Variants in PTK2B observed in about 807,000 individuals in gnomAD.
The protein encoded by PTK2B is protein tyrosine kinase 2 beta, also known as protein-tyrosine kinase 2-beta.
A neutral mutation model predicts 142.9 loss-of-function variants in PTK2B; 71 were observed. That is an observed-to-expected ratio of 0.50 (90% CI 0.41 to 0.61). The LOEUF is 0.61. Among genes scored for constraint, PTK2B ranks in the 20% least tolerant of loss-of-function variants. The probability of loss-of-function intolerance (pLI) is 0.00; values close to 1 mark genes in which losing one functional copy is unlikely to be tolerated. For synonymous variants in PTK2B, 519 were observed against 503.4 expected (o/e 1.03, Z -0.42); for missense variants, 1,105 against 1,320.4 (o/e 0.84, Z 2.53).
chr8:27,377,315 G>A (rs1045109786), intron 1 of PTK2B, among the ~76,000 whole-genome samples: 1 of 152,158 alleles, frequency 6.6e-6, no homozygotes, highest in East Asian at 1.9e-4. Flanking sequence ...AGTTTACCAC[G>A]TACATGATGG....
At chr8:27,453,306 G>A in intron 28 of PTK2B, 146 bp downstream of exon 28, 1 of 1,050,446 alleles carries the variant, frequency 9.5e-7, no homozygotes, top group Non-Finnish European at 1.4e-6. Flanking sequence ...TTAGGGGGCG[G>A]GTGGCGGGGT....
intron 2 of PTK2B, among the ~76,000 whole-genome samples, chr8:27,415,571 TA>T (rs1039494360): frequency 1.3e-5 from 2 of 152,206 alleles, no homozygotes; most frequent in African/African-American, 4.8e-5. Flanking sequence ...TCTTGAGAGC[TA>T]AACTGTGATG....
At chr8:27,423,201 C>T (rs1809868832) in intron 5 of PTK2B, among the ~76,000 whole-genome samples, 1 of 152,084 alleles carries the variant, frequency 6.6e-6, no homozygotes, top group Admixed American at 6.6e-5. Context: ...AAAAATAGGC[C>T]TTATTCTTAG....
At chr8:27,418,147 A>G (rs1809516447) in intron 2 of PTK2B, among the ~76,000 whole-genome samples, 1 of 152,120 alleles carries the variant, frequency 6.6e-6, no homozygotes, top group South Asian at 2.1e-4. Flanking sequence ...CTGTTTCCCC[A>G]TCTATCTCAC....
At chr8:27,348,410 C>G (rs1425645836) in intron 1 of PTK2B, among the ~76,000 whole-genome samples, 2 of 152,202 alleles carry the variant, frequency 1.3e-5, no homozygotes, top group African/African-American at 4.8e-5. Context: ...ACCCCCTGTT[C>G]TTCCCACTCT....
chr8:27,421,577 T>C (rs1809756969), intron 4 of PTK2B, among the ~76,000 whole-genome samples: 1 of 152,234 alleles, frequency 6.6e-6, no homozygotes, highest in South Asian at 2.1e-4. Flanking sequence ...CTGGAGTTAA[T>C]TCACTTAGAA....
intron 2 of PTK2B, among the ~76,000 whole-genome samples, chr8:27,417,856 C>G (rs1169130253): frequency 6.6e-6 from 1 of 152,038 alleles, no homozygotes; most frequent in Non-Finnish European, 1.5e-5. Context: ...TCAAAAGCAC[C>G]AGTGGTGGGG....
intron 1 of PTK2B, among the ~76,000 whole-genome samples, chr8:27,388,803 C>T (rs1379147357): frequency 1.3e-5 from 2 of 152,232 alleles, no homozygotes; most frequent in Non-Finnish European, 2.9e-5. Context: ...CACTTATTCT[C>T]GCTGCCCCTG....
At position 27,399,352 on chromosome 8, in the gene PTK2B, A is replaced by G. The variant is rs17057109; in HGVS notation, c.204+1564A>G. 8.2e-3 allele frequency among the ~76,000 whole-genome samples: 1,256 copies of G among 152,332 alleles called. 16 individuals are homozygous for G. The highest frequency in any genetic ancestry group is 0.029 in the African/African-American group (1,220 of 41,556). On this transcript the variant is annotated intron_variant, in intron 2 of 30. Transcript: ENST00000346049. Reference sequence around the variant, plus strand: ...AGGCTTTCCAAGAGTGGGGAACAGCATGTCAAAAGGCAGGGAGGCCTCTGA... The same window carrying G: ...AGGCTTTCCAAGAGTGGGGAACAGCGTGTCAAAAGGCAGGGAGGCCTCTGA...
At chr8:27,319,785 A>G (rs747744223) in intron 3 of PTK2B, among the ~76,000 whole-genome samples, 27 of 152,208 alleles carry the variant, frequency 1.8e-4, no homozygotes, top group Non-Finnish European at 3.7e-4. Flanking sequence ...CATTTTATAC[A>G]TGAGAAAATT....
intron 1 of PTK2B, among the ~76,000 whole-genome samples, chr8:27,372,060 G>A (rs559431467): frequency 6.6e-6 from 1 of 152,220 alleles, no homozygotes; most frequent in Non-Finnish European, 1.5e-5. Flanking sequence ...TTAACCCCAT[G>A]CCTGATACAT....
At chr8:27,360,854 T>TGAC (rs1390819156) in intron 1 of PTK2B, among the ~76,000 whole-genome samples, 1 of 152,208 alleles carries the variant, frequency 6.6e-6, no homozygotes, top group Non-Finnish European at 1.5e-5. Context: ...TCCTTCCAGA[T>TGAC]GACAACCAGG....
At chr8:27,455,942 A>G (rs1373261339) in intron 30 of PTK2B, among the ~76,000 whole-genome samples, 1 of 152,126 alleles carries the variant, frequency 6.6e-6, no homozygotes, top group Non-Finnish European at 1.5e-5. Context: ...ACATCCCACC[A>G]CTGTCCCCAC....
intron 20 of PTK2B, 146 bp from the exon 21 acceptor site, chr8:27,440,091 G>A: frequency 1.3e-6 from 1 of 786,316 alleles, no homozygotes. Context: ...AGACCACCAT[G>A]GTAGGCAGGA....
chr8:27,366,078 T>A (rs1280510627), intron 1 of PTK2B, among the ~76,000 whole-genome samples: 1 of 152,206 alleles, frequency 6.6e-6, no homozygotes, highest in Non-Finnish European at 1.5e-5. Flanking sequence ...GAAGCTTCCT[T>A]GTCAAATAGG....
intron 1 of PTK2B, among the ~76,000 whole-genome samples, chr8:27,367,923 C>G (rs1379274159): frequency 6.6e-6 from 1 of 152,234 alleles, no homozygotes. Flanking sequence ...CTGGGAATCA[C>G]ATTTCAACAT....
intron 2 of PTK2B, among the ~76,000 whole-genome samples, chr8:27,400,352 C>CT (rs886970003): frequency 1.3e-5 from 2 of 151,680 alleles, no homozygotes; most frequent in African/African-American, 4.8e-5. Context: ...TCTTATTTGC[C>CT]TAAAAAACCC....
rs1483577345 is a variant in PTK2B at position 27,363,587 on chromosome 8, G to C, written c.-37-33961G>C. 6.6e-6 allele frequency among the ~76,000 whole-genome samples: 1 copy of C among 152,088 alleles called. No homozygotes were observed. The highest frequency in any genetic ancestry group is 2.4e-5 in the African/African-American group (1 of 41,424). ...GGAATGGACTCTGACTGCTCTTGCT[G>C]CTCTGAGCCTCTTGATTCTGATTTG... On this transcript the variant is annotated intron_variant, in intron 1 of 30. Transcript: ENST00000346049. The surrounding 1 kb of genome is among the most constrained non-coding windows in gnomAD (Gnocchi z 4.3).
intron 24 of PTK2B, 24 bp downstream of exon 24, chr8:27,445,943 C>T: frequency 6.2e-7 from 1 of 1,611,838 alleles, no homozygotes; most frequent in South Asian, 1.1e-5. Context: ...GCATGCTGGT[C>T]CCTGCCCGGA....
Sources: allele counts gnomAD v4.1 joint callset (sites outside exome capture counted in the v4.1 genomes callset), GRCh38; gene constraint gnomAD v4.1.1; non-coding constraint Gnocchi (gnomAD v3.1); transcripts MANE v1.5; gene names NCBI Gene and HGNC (gene_info 2026-07-23, HGNC 2026-07-21).